PARD3: variants seen among roughly 807,000 people sequenced by gnomAD.
The protein encoded by PARD3 is par-3 family cell polarity regulator, also known as partitioning defective 3 homolog.
PARD3 carries 75 observed loss-of-function variants against 155.4 expected under a neutral mutation model. The observed-to-expected ratio is 0.48, with a 90% confidence interval of 0.40 to 0.58. The LOEUF is 0.58. Ranked by LOEUF, PARD3 falls within the 20% of genes least tolerant of loss-of-function variation. The probability of loss-of-function intolerance (pLI) is 0.00; values close to 1 mark genes in which losing one functional copy is unlikely to be tolerated. For missense variants in PARD3, 1,642 were observed against 1,721.7 expected (o/e 0.95, Z 0.82); for synonymous variants, 576 against 610.5 (o/e 0.94, Z 0.83).
At chr10:34,237,263 C>T (rs1297554645) in intron 22 of PARD3, among the ~76,000 whole-genome samples, 4 of 152,310 alleles carry the variant, frequency 2.6e-5, no homozygotes, top group Admixed American at 6.5e-5. Context: ...TTAAGCACTA[C>T]ACTGCCTAGA....
At chr10:34,564,337 T>C in intron 2 of PARD3, among the ~76,000 whole-genome samples, 1 of 152,344 alleles carries the variant, frequency 6.6e-6, no homozygotes, top group Non-Finnish European at 1.5e-5. Context: ...GCTAACTCAC[T>C]ATCCATCCAA....
chr10:34,681,955 C>T (rs1300658849), intron 2 of PARD3, among the ~76,000 whole-genome samples: 1 of 150,526 alleles, frequency 6.6e-6, no homozygotes, highest in Non-Finnish European at 1.5e-5. Flanking sequence ...CAACAGATCC[C>T]TAAGGACAAG....
At chr10:34,631,635 G>C (rs745757352) in intron 2 of PARD3, among the ~76,000 whole-genome samples, 1 of 152,032 alleles carries the variant, frequency 6.6e-6, no homozygotes, top group African/African-American at 2.4e-5. Context: ...AATATATAAT[G>C]TTCTGTCACC....
At chr10:34,414,917 C>A (rs1350278547) in intron 5 of PARD3, among the ~76,000 whole-genome samples, 1 of 152,042 alleles carries the variant, frequency 6.6e-6, no homozygotes, top group African/African-American at 2.4e-5. Context: ...CATAACTCTT[C>A]CAGGGACTCA....
chr10:34,633,143 C>T (rs2092337829), intron 2 of PARD3, among the ~76,000 whole-genome samples: 1 of 152,106 alleles, frequency 6.6e-6, no homozygotes, highest in Non-Finnish European at 1.5e-5. Flanking sequence ...ACATTTCCAT[C>T]CCCTCAAATA....
intron 5 of PARD3, among the ~76,000 whole-genome samples, chr10:34,422,559 C>CAA (rs566231042): frequency 3.7e-4 from 54 of 144,298 alleles, no homozygotes; most frequent in African/African-American, 1.3e-3. Flanking sequence ...AAAATAAATA[C>CAA]AAAAAAAAAA....
chr10:34,668,774 A>G (rs1196287990), intron 2 of PARD3, among the ~76,000 whole-genome samples: 1 of 152,112 alleles, frequency 6.6e-6, no homozygotes, highest in Admixed American at 6.5e-5. Context: ...GGAGTTCAAG[A>G]CCAGGCTGGG....
chr10:34,342,864 C>T (rs1836982519), intron 15 of PARD3, among the ~76,000 whole-genome samples: 2 of 152,156 alleles, frequency 1.3e-5, no homozygotes, highest in African/African-American at 4.8e-5. Flanking sequence ...CACTGAAACC[C>T]CTTCTCAGCA....
chr10:34,153,720 T>C (rs1948877618), intron 22 of PARD3, among the ~76,000 whole-genome samples: 1 of 152,224 alleles, frequency 6.6e-6, no homozygotes, highest in Non-Finnish European at 1.5e-5. Context: ...TATTCCATTA[T>C]CTTAAATGGA....
At chr10:34,410,026 T>C (rs1386188655) in intron 5 of PARD3, among the ~76,000 whole-genome samples, 2 of 152,136 alleles carry the variant, frequency 1.3e-5, no homozygotes, top group East Asian at 3.8e-4. Context: ...TCTCAGAGTT[T>C]CCACAAAAAT....
intron 5 of PARD3, among the ~76,000 whole-genome samples, chr10:34,441,170 A>T (rs953342161): frequency 7.9e-5 from 12 of 152,230 alleles, no homozygotes; most frequent in Admixed American, 5.2e-4. Flanking sequence ...GGTACTTCCA[A>T]TATGCAAGGA....
chr10:34,370,879 T>C (rs910202503), intron 12 of PARD3, among the ~76,000 whole-genome samples: 12 of 151,950 alleles, frequency 7.9e-5, no homozygotes, highest in African/African-American at 2.9e-4. Flanking sequence ...GTTTTATAGA[T>C]CTTTTCCATT....
chr10:34,331,103 C>T lies in PARD3; in HGVS notation c.2833+14G>A, dbSNP rs763732512. The T allele has an allele frequency of 6.3e-7, 1 of 1,585,084 alleles. No individual in the cohort carries two copies. The highest frequency in any genetic ancestry group is 8.7e-7 in the Non-Finnish European group (1 of 1,153,812). On this transcript the variant is annotated intron_variant, in intron 19 of 24. Coordinates refer to ENST00000374788, the MANE Select transcript of PARD3 (RefSeq NM_001184785.2). ...TAATTTTAATTATTATTCTTTCAGC[C>T]ATTATAAACTTACAGGTCTCCATGC...
chr10:34,339,598 C>T (rs535880083), intron 16 of PARD3, among the ~76,000 whole-genome samples: 11 of 152,196 alleles, frequency 7.2e-5, no homozygotes, highest in Non-Finnish European at 1.0e-4. Context: ...TTTCCTTTCC[C>T]CCAGAAACAC....
At chr10:34,149,378 C>G (rs1357250040) in intron 22 of PARD3, among the ~76,000 whole-genome samples, 1 of 152,004 alleles carries the variant, frequency 6.6e-6, no homozygotes, top group Non-Finnish European at 1.5e-5. Flanking sequence ...ATATTGACCT[C>G]TAAAGCTGCA....
At chr10:34,239,660 G>A (rs371999006) in intron 22 of PARD3, among the ~76,000 whole-genome samples, 2 of 151,888 alleles carry the variant, frequency 1.3e-5, no homozygotes, top group Non-Finnish European at 2.9e-5. Flanking sequence ...AAAAGTAGCC[G>A]GGCATGGTGA....
intron 20 of PARD3, among the ~76,000 whole-genome samples, chr10:34,305,405 G>A (rs1197469832): frequency 1.3e-5 from 2 of 152,242 alleles, no homozygotes; most frequent in Non-Finnish European, 2.9e-5. Context: ...TCAGAAGGGA[G>A]GCCTTCCACC....
chr10:34,203,298 C>A (rs917171240), intron 22 of PARD3, among the ~76,000 whole-genome samples: 1 of 152,224 alleles, frequency 6.6e-6, no homozygotes, highest in South Asian at 2.1e-4. Context: ...ATAGCTCACA[C>A]AGAGAAACTC....
At chr10:34,693,450 CA>C (rs1266073453) in intron 2 of PARD3, among the ~76,000 whole-genome samples, 1 of 152,064 alleles carries the variant, frequency 6.6e-6, no homozygotes, top group Non-Finnish European at 1.5e-5. Flanking sequence ...TTTTTTGCAA[CA>C]ACATGAATGG....
Sources: gnomAD v4.1 joint callset for allele counts (sites outside exome capture counted in the v4.1 genomes callset) on GRCh38, gnomAD v4.1.1 for gene constraint, MANE v1.5 for transcripts, NCBI Gene and HGNC (gene_info 2026-07-23, HGNC 2026-07-21) for gene names.